CYYR1: variants seen among roughly 807,000 people sequenced by gnomAD.
The protein encoded by CYYR1 is cysteine and tyrosine rich 1.
CYYR1 carries 14 observed loss-of-function variants against 15.2 expected under a neutral mutation model. That is an observed-to-expected ratio of 0.92 (90% CI 0.61 to 1.44). The LOEUF (loss-of-function observed/expected upper bound fraction) is 1.44, where lower values mean the gene tolerates loss of function less well. Ranked by LOEUF, CYYR1 falls within the 40% of genes most tolerant of loss-of-function variation. CYYR1 has a pLI of 0.00. For synonymous variants in CYYR1, 80 were observed against 77.4 expected, an observed-to-expected ratio of 1.03 and a Z score of -0.18; for missense variants, 228 against 209.5, an observed-to-expected ratio of 1.09 and a Z score of -0.54.
chr21:26,543,314 C>T (rs994044043), intron 2 of CYYR1, among the ~76,000 whole-genome samples: 10 of 152,130 alleles, frequency 6.6e-5, no homozygotes, highest in African/African-American at 2.2e-4. Context: ...CAAACCTGCA[C>T]ATGTACCCCA....
intron 2 of CYYR1, among the ~76,000 whole-genome samples, chr21:26,494,710 G>C (rs1443726898): frequency 6.6e-6 from 1 of 151,808 alleles, no homozygotes; most frequent in African/African-American, 2.4e-5. Context: ...ACATCACATT[G>C]TGCCCCATAA....
intron 2 of CYYR1, among the ~76,000 whole-genome samples, chr21:26,530,028 T>C (rs1267754653): frequency 6.6e-6 from 1 of 152,192 alleles, no homozygotes; most frequent in Admixed American, 6.5e-5. Context: ...TAAGTGTTGG[T>C]AAACAACTCT....
Position 26,489,333 on chromosome 21 carries a change from C to A in CYYR1, c.177-8904G>T, listed in dbSNP as rs554863912. 8.7e-4 allele frequency among the ~76,000 whole-genome samples: 132 copies of A among 152,158 alleles called. 1 individual carries two copies. The highest frequency in any genetic ancestry group is 3.1e-3 in the African/African-American group (127 of 41,524). On this transcript the variant is annotated intron_variant, in intron 2 of 3. Transcript: ENST00000652641. ...AGAATAACACTTTATCACTAGAGTT[C>A]AATGGTAAATGCTTTGATTGATGAA...
At chr21:26,567,499 A>C (rs529243700) in intron 1 of CYYR1, among the ~76,000 whole-genome samples, 1 of 152,280 alleles carries the variant, frequency 6.6e-6, no homozygotes, top group East Asian at 1.9e-4. Flanking sequence ...ATTCCACCTA[A>C]ATGATTTATG....
At chr21:26,525,898 C>T (rs1391425861) in intron 2 of CYYR1, among the ~76,000 whole-genome samples, 1 of 152,132 alleles carries the variant, frequency 6.6e-6, no homozygotes, top group Admixed American at 6.5e-5. Context: ...AGCTATTATC[C>T]TTAGCAAAGT....
intron 2 of CYYR1, among the ~76,000 whole-genome samples, chr21:26,538,398 A>G (rs1978332866): frequency 6.6e-6 from 1 of 152,078 alleles, no homozygotes. Context: ...TCTTAATTTA[A>G]TTTCCAAGAG....
intron 2 of CYYR1, 136 bp from the exon 3 acceptor site, chr21:26,480,565 C>CTTTT: frequency 6.7e-6 from 4 of 593,084 alleles, no homozygotes; most frequent in Non-Finnish European, 1.0e-5. Context: ...TTTTTCTTTT[C>CTTTT]TTTTTTTTTT....
At position 26,480,426 on chromosome 21, in the gene CYYR1, G is replaced by A; in HGVS notation, c.180C>T (p.Gly60=). The A allele has an allele frequency of 1.2e-6, 2 of 1,608,710 alleles. No homozygotes were observed. Among genetic ancestry groups the A allele is most frequent in the Non-Finnish European group, 1.7e-6 (2 of 1,177,980 alleles). ...YYAYIGNILS[G]TAIAGIVFGI... ...CAAAAACAATGCCCGCAATTGCAGT[G>A]CCCCTAAAAGGAAAAACAAGTAAGT... The change falls in exon 3 of 4, where the codon GGC becomes GGT. Residue 60 remains glycine, a synonymous_variant. Transcript: ENST00000652641.
At chr21:26,482,431 CCTT>C in intron 2 of CYYR1, 1 of 985,270 alleles carries the variant, frequency 1.0e-6, no homozygotes. Flanking sequence ...CTGATGATTT[CCTT>C]CTTACAGCAA....
intron 2 of CYYR1, among the ~76,000 whole-genome samples, chr21:26,515,217 A>T (rs1384450188): frequency 2.0e-5 from 3 of 152,176 alleles, no homozygotes; most frequent in Non-Finnish European, 4.4e-5. Flanking sequence ...ACTAGTCCAA[A>T]CTTCCTTTCC....
At chr21:26,511,686 T>G (rs1167849997) in intron 2 of CYYR1, among the ~76,000 whole-genome samples, 4 of 152,220 alleles carry the variant, frequency 2.6e-5, no homozygotes, top group African/African-American at 9.6e-5. Context: ...GGCTTCTTTG[T>G]TTTATTTCTT....
chr21:26,502,476 C>T (rs536945066), intron 2 of CYYR1, among the ~76,000 whole-genome samples: 4 of 152,144 alleles, frequency 2.6e-5, no homozygotes, highest in African/African-American at 7.2e-5. Context: ...GAATAAGTCA[C>T]TTATGAAGTT....
Position 26,468,529 on chromosome 21 carries a change from G to C in CYYR1, c.440C>G (p.Pro147Arg), listed in dbSNP as rs777620379. Reference sequence around the variant, plus strand: ...TTTCCTTGCGTTTCCAGGATAAGGAGGGGGTGGAGAACGCTGTGCTGGACC... The same window carrying C: ...TTTCCTTGCGTTTCCAGGATAAGGACGGGGTGGAGAACGCTGTGCTGGACC... Reference protein sequence around the residue: ...PQGPAQRSPPPPYPGNARK With the variant: ...PQGPAQRSPPRPYPGNARK The change falls in exon 4 of 4, where the codon CCT becomes CGT. Residue 147 changes from proline (P) to arginine (R), a missense_variant. Physicochemically the swap from Pro to Arg is moderately radical, Grantham distance 103 (BLOSUM62 -2). Coordinates refer to ENST00000652641, the MANE Select transcript of CYYR1 (RefSeq NM_001320768.2). 7.5e-6 allele frequency: 12 copies of C among 1,602,218 alleles called. No individual in the cohort carries two copies. Among genetic ancestry groups the C allele is most frequent in the Middle Eastern group, 1.7e-4 (1 of 6,042 alleles).
At chr21:26,493,662 C>T (rs1282036223) in intron 2 of CYYR1, among the ~76,000 whole-genome samples, 1 of 152,112 alleles carries the variant, frequency 6.6e-6, no homozygotes, top group African/African-American at 2.4e-5. Flanking sequence ...ATTTGGTCTA[C>T]TAGATCTCTT....
At chr21:26,503,491 C>T (rs1470252961) in intron 2 of CYYR1, 2 of 152,164 alleles carry the variant, frequency 1.3e-5, no homozygotes, top group Admixed American at 1.3e-4. Flanking sequence ...TTGAAATCCT[C>T]TCTTCAACAC....
intron 2 of CYYR1, among the ~76,000 whole-genome samples, chr21:26,499,461 G>A (rs1337111013): frequency 6.6e-6 from 1 of 152,226 alleles, no homozygotes; most frequent in South Asian, 2.1e-4. Context: ...CTGGTCCCCA[G>A]AACGTCAAGA....
intron 2 of CYYR1, among the ~76,000 whole-genome samples, chr21:26,533,334 C>A (rs970260224): frequency 6.6e-6 from 1 of 151,888 alleles, no homozygotes; most frequent in African/African-American, 2.4e-5. Context: ...CACAATATGT[C>A]ATTTGCAAGC....
chr21:26,545,443 T>C (rs939436166), intron 2 of CYYR1, among the ~76,000 whole-genome samples: 9 of 152,030 alleles, frequency 5.9e-5, no homozygotes, highest in Non-Finnish European at 1.2e-4. Context: ...TCTTTTCTCA[T>C]AGAAAGATAA....
Position 26,554,036 on chromosome 21 carries a change from C to T in CYYR1, c.176+12230G>A, listed in dbSNP as rs142689338. ...AAATGTAGGTTATGCACAATATCAT[C>T]GGAGGCAAGTTGTTGTGCTTTTTGT... On this transcript the variant is annotated intron_variant, in intron 2 of 3. Coordinates refer to ENST00000652641, the MANE Select transcript of CYYR1 (RefSeq NM_001320768.2). Among the ~76,000 whole-genome samples the T allele has an allele frequency of 8.2e-4, 125 of 152,278 alleles. 1 individual carries two copies. The highest frequency in any genetic ancestry group is 2.6e-3 in the African/African-American group (108 of 41,554).
Sources: gnomAD v4.1 joint callset for allele counts (sites outside exome capture counted in the v4.1 genomes callset) on GRCh38, gnomAD v4.1.1 for gene constraint, MANE v1.5 for transcripts, NCBI Gene and HGNC (gene_info 2026-07-23, HGNC 2026-07-21) for gene names.